The following PDIA4 variants were observed in gnomAD, a reference collection of about 807,000 sequenced individuals.
PDIA4 encodes the protein protein disulfide-isomerase A4.
Under a neutral mutation model 62.1 loss-of-function variants are expected in PDIA4, and 33 were observed. The observed-to-expected ratio is 0.53, with a 90% CI of 0.40 to 0.71. The LOEUF is 0.71. Among genes scored for constraint, PDIA4 ranks in the 30% least tolerant of loss-of-function variants. PDIA4 has a pLI of 0.00. For synonymous variants in PDIA4, 341 were observed against 324.1 expected (o/e 1.05, Z -0.56); for missense variants, 804 against 813.6 (o/e 0.99, Z 0.14).
At chr7:149,010,916 C>T (rs765799894) in intron 6 of PDIA4, among the ~76,000 whole-genome samples, 1 of 152,228 alleles carries the variant, frequency 6.6e-6, no homozygotes, top group South Asian at 2.1e-4. Flanking sequence ...CTTGGGGCTA[C>T]GGAATCCCCT....
chr7:149,019,036 T>C lies in PDIA4; in HGVS notation c.431A>G (p.Lys144Arg). 1.9e-6 allele frequency: 3 copies of C among 1,613,740 alleles called. No homozygotes were observed. The highest frequency in any genetic ancestry group is 2.5e-6 in the Non-Finnish European group (3 of 1,179,920). The stretch of plus-strand genomic sequence containing the variant: ...CTCGTAGTCTACAGCCTGCCCCTTC[T>C]TAAGGATCTTGATGGTGGGGTAGCC... Reference protein sequence around the residue: ...VSGYPTIKILKKGQAVDYEGS... With the variant: ...VSGYPTIKILRKGQAVDYEGS... Residue 144 changes from lysine (K) to arginine (R), a missense_variant, in exon 3 of 10, where the codon AAG (lysine) becomes AGG (arginine). Transcript: ENST00000652332.
chr7:149,010,649 C>G (rs773266467), intron 6 of PDIA4, among the ~76,000 whole-genome samples: 1 of 152,164 alleles, frequency 6.6e-6, no homozygotes, highest in Non-Finnish European at 1.5e-5. Context: ...CCTTTCATCC[C>G]CCAGCCGCCC....
intron 3 of PDIA4, among the ~76,000 whole-genome samples, chr7:149,018,454 CAG>C (rs1386665644): frequency 5.9e-5 from 9 of 151,726 alleles, no homozygotes; most frequent in Non-Finnish European, 8.8e-5. Flanking sequence ...TTTTTTGAAA[CAG>C]AGTCTCATTC....
chr7:149,006,090 T>G, intron 7 of PDIA4, 37 bp from the exon 8 acceptor site: 1 of 1,529,172 alleles, frequency 6.5e-7, no homozygotes, highest in Middle Eastern at 1.7e-4. Flanking sequence ...GGGCCCACCA[T>G]CTCCCCACCA....
At chr7:149,021,488 C>CAA (rs34989074) in intron 1 of PDIA4, among the ~76,000 whole-genome samples, 1,369 of 64,534 alleles carry the variant, frequency 0.021, 22 homozygotes, top group Middle Eastern at 0.042. Context: ...CACTTCATCT[C>CAA]AAAAAAAAAA....
chr7:149,011,460 C>T (rs996222348), intron 6 of PDIA4, among the ~76,000 whole-genome samples: 6 of 152,226 alleles, frequency 3.9e-5, no homozygotes, highest in African/African-American at 1.4e-4. Context: ...AAGACCACCA[C>T]CTTGGGCAAG....
chr7:149,025,882 C>G (rs1824533234), intron 1 of PDIA4, among the ~76,000 whole-genome samples: 1 of 152,138 alleles, frequency 6.6e-6, no homozygotes, highest in African/African-American at 2.4e-5. Context: ...AAGCAGGCAA[C>G]AAACAGGATC....
intron 1 of PDIA4, chr7:149,028,064 G>C (rs113831748): frequency 4.8e-6 from 3 of 627,494 alleles, no homozygotes; most frequent in African/African-American, 3.7e-5. Context: ...CGGGTGACAG[G>C]GGTCTTCCAG....
intron 1 of PDIA4, among the ~76,000 whole-genome samples, chr7:149,023,980 A>G (rs1824447579): frequency 6.6e-6 from 1 of 152,154 alleles, no homozygotes; most frequent in Admixed American, 6.5e-5. Flanking sequence ...GACATGGTGG[A>G]TCACGCCTAT....
intron 8 of PDIA4, 34 bp downstream of exon 8, chr7:149,005,863 C>A (rs765394526): frequency 7.6e-6 from 11 of 1,455,858 alleles, no homozygotes; most frequent in Non-Finnish European, 9.9e-6. Flanking sequence ...CCCCCCACCC[C>A]CCACCCCCGC....
intron 6 of PDIA4, 21 bp from the exon 7 acceptor site, chr7:149,008,331 G>C (rs1352069851): frequency 1.9e-6 from 3 of 1,599,848 alleles, no homozygotes; most frequent in African/African-American, 2.7e-5. Flanking sequence ...AACAGAATAA[G>C]ATGTAATTTT....
At chr7:149,006,128 C>T in intron 7 of PDIA4, 75 bp from the exon 8 acceptor site, 1 of 1,474,812 alleles carries the variant, frequency 6.8e-7, no homozygotes, top group South Asian at 1.4e-5. Flanking sequence ...GTTTGAGGGA[C>T]TTTGGGGGAG....
intron 7 of PDIA4, among the ~76,000 whole-genome samples, chr7:149,006,463 G>A (rs374756860): frequency 2.0e-5 from 3 of 152,232 alleles, no homozygotes; most frequent in East Asian, 3.9e-4. Flanking sequence ...CACAACGACT[G>A]GAGTCCCTCA....
intron 3 of PDIA4, among the ~76,000 whole-genome samples, chr7:149,018,022 G>T (rs994671235): frequency 6.6e-6 from 1 of 152,184 alleles, no homozygotes; most frequent in Non-Finnish European, 1.5e-5. Context: ...GAGGTCAGGA[G>T]ATCGAGACCA....
At chr7:149,016,526 CT>C (rs559372851) in intron 3 of PDIA4, among the ~76,000 whole-genome samples, 278 of 145,464 alleles carry the variant, frequency 1.9e-3, no homozygotes, top group African/African-American at 3.2e-3. Flanking sequence ...ACACTAGTAC[CT>C]TTTTTTTTTT....
chr7:149,011,632 C>A (rs889709062), intron 6 of PDIA4, among the ~76,000 whole-genome samples: 4 of 152,202 alleles, frequency 2.6e-5, no homozygotes. Flanking sequence ...ACCGGTCTGA[C>A]TGTGCCCCTC....
At position 149,028,412 on chromosome 7, in the gene PDIA4, A is replaced by G; in HGVS notation, c.-4T>C. 1.3e-6 allele frequency: 2 copies of G among 1,497,506 alleles called. No individual in the cohort carries two copies. Among genetic ancestry groups the G allele is most frequent in the Admixed American group, 2.2e-5 (1 of 45,618 alleles). 92.8% of individuals were successfully genotyped at this position (1,497,506 alleles called of 1,614,324 possible). A position where few individuals can be genotyped will look rare whatever the true frequency, so the allele number is the denominator to read the frequency against. The stretch of plus-strand genomic sequence containing the variant: ...GGAAGGCTTTCCGGGGCCTCATGGT[A>G]GCGGGGGCGGAGCGCGGCCTCCTAG... On this transcript the variant is annotated 5_prime_UTR_variant, in exon 1 of 10. Coordinates refer to ENST00000652332, the MANE Select transcript of PDIA4 (RefSeq NM_004911.5).
intron 2 of PDIA4, among the ~76,000 whole-genome samples, chr7:149,019,585 CG>C (rs1479740422): frequency 3.3e-5 from 5 of 151,922 alleles, no homozygotes; most frequent in African/African-American, 9.7e-5. Context: ...CCAAGGTGGG[CG>C]GATCACTTGA....
chr7:149,011,511 GATA>G (rs1823942410), intron 6 of PDIA4, among the ~76,000 whole-genome samples: 1 of 152,206 alleles, frequency 6.6e-6, no homozygotes, highest in Non-Finnish European at 1.5e-5. Flanking sequence ...TGGTCACAGT[GATA>G]ATAACTGGAA....
Sources: gnomAD v4.1 joint callset for allele counts (sites outside exome capture counted in the v4.1 genomes callset) on GRCh38, gnomAD v4.1.1 for gene constraint, MANE v1.5 for transcripts, NCBI Gene and HGNC (gene_info 2026-07-23, HGNC 2026-07-21) for gene names.